LAMA2: variants seen among roughly 807,000 people sequenced by gnomAD.
LAMA2 encodes the protein laminin subunit alpha 2.
In LAMA2, 269 loss-of-function variants were observed where a neutral mutation model predicts 364.8. That is an observed-to-expected ratio of 0.74 (90% CI 0.67 to 0.82). LAMA2 has a LOEUF of 0.82. LAMA2 is among the 40% of genes least tolerant of loss of function. The pLI is 0.00. For synonymous variants in LAMA2, 1,379 were observed against 1,370.6 expected, an observed-to-expected ratio of 1.01 and a Z score of -0.14; for missense variants, 3,807 against 3,873.2, an observed-to-expected ratio of 0.98 and a Z score of 0.45.
chr6:128,995,776 G>T (rs1447244646), intron 1 of LAMA2, among the ~76,000 whole-genome samples: 3 of 152,130 alleles, frequency 2.0e-5, no homozygotes, highest in African/African-American at 7.2e-5. Flanking sequence ...AGATTAGAAT[G>T]TATTTGGCCT....
intron 1 of LAMA2, among the ~76,000 whole-genome samples, chr6:129,009,088 G>T (rs974788096): frequency 6.6e-6 from 1 of 152,120 alleles, no homozygotes; most frequent in African/African-American, 2.4e-5. Context: ...TTGAGATAGG[G>T]ATCATGCCAT....
At position 129,514,526 on chromosome 6, in the gene LAMA2, G is replaced by C; in HGVS notation, c.9142G>C (p.Ala3048Pro). The C allele has an allele frequency of 6.2e-7, 1 of 1,614,122 alleles. No homozygotes were observed. The highest frequency in any genetic ancestry group is 1.1e-5 in the South Asian group (1 of 91,084). The stretch of plus-strand genomic sequence containing the variant: ...CACAGTCGATGGGAACCAGGTGGAA[G>C]CCCAAAGCCCAAACCCAGCATCTAC... ...ELTVDGNQVE[A>P]QSPNPASTSA... is the part of the protein sequence containing the mutation. The change falls in exon 64 of 65, where the codon GCC becomes CCC. Residue 3048 changes from alanine (A) to proline (P), a missense_variant. Ala to Pro is a conservative substitution (Grantham distance 27). Around this residue, in one of 3 missense-constraint regions of LAMA2, gnomAD observed 3,333 missense variants for 3,345.7 expected, o/e 1.00. Transcript: ENST00000421865.
At chr6:129,262,123 T>C (rs932245396) in intron 15 of LAMA2, among the ~76,000 whole-genome samples, 6 of 152,154 alleles carry the variant, frequency 3.9e-5, no homozygotes, top group African/African-American at 1.4e-4. Context: ...AATATAAAAT[T>C]ACTTGAATAT....
At chr6:129,274,969 T>C (rs748832853) in intron 17 of LAMA2, among the ~76,000 whole-genome samples, 20 of 152,006 alleles carry the variant, frequency 1.3e-4, no homozygotes, top group Non-Finnish European at 2.8e-4. Context: ...AAATATATTA[T>C]TGGCACAAGG....
Position 129,297,724 on chromosome 6 carries a change from C to T in LAMA2, c.2896C>T (p.Pro966Ser). 6.2e-7 allele frequency: 1 copy of T among 1,614,080 alleles called. No individual in the cohort carries two copies. The highest frequency in any genetic ancestry group is 8.5e-7 in the Non-Finnish European group (1 of 1,179,974). Reference sequence around the variant, plus strand: ...CCTACAATCAGCAAGGGGCTGTGTTCCCTGCAACTGCAATTCTTTTGGGTC... The same window carrying T: ...CCTACAATCAGCAAGGGGCTGTGTTTCCTGCAACTGCAATTCTTTTGGGTC... ...FGLQSARGCV[P>S]CNCNSFGSKS... Residue 966 changes from proline to serine, a missense_variant, in exon 21 of 65, where the codon CCC (proline) becomes TCC (serine). Pro to Ser is a moderately conservative substitution (Grantham distance 74). Around this residue, in one of 3 missense-constraint regions of LAMA2, gnomAD observed 3,333 missense variants for 3,345.7 expected, o/e 1.00. Transcript: ENST00000421865.
At chr6:129,218,038 C>T (rs1192371747) in intron 12 of LAMA2, among the ~76,000 whole-genome samples, 1 of 152,014 alleles carries the variant, frequency 6.6e-6, no homozygotes, top group African/African-American at 2.4e-5. Context: ...CATCTTTTAA[C>T]ATAAGTGCAG....
Position 129,492,447 on chromosome 6 carries a change from C to T in LAMA2, c.8208C>T (p.Thr2736=). ...TTATCCAGCCTGAGCCAGTTCCCAC[C>T]CCAGCCTTTCCTACGCCCACCCCAG... ...EIVIQPEPVP[T]PAFPTPTPVL... is the part of the protein sequence containing the mutation. Residue 2736 remains threonine, a synonymous_variant, in exon 58 of 65, where the codon ACC becomes ACT. Coordinates refer to ENST00000421865, the MANE Select transcript of LAMA2 (RefSeq NM_000426.4). 6.2e-7 allele frequency: 1 copy of T among 1,614,052 alleles called. No homozygotes were observed. The highest frequency in any genetic ancestry group is 2.2e-5 in the East Asian group (1 of 44,868).
chr6:129,508,845 A>T (rs1244216032), intron 62 of LAMA2, among the ~76,000 whole-genome samples: 1 of 151,960 alleles, frequency 6.6e-6, no homozygotes, highest in African/African-American at 2.4e-5. Flanking sequence ...ATATCTCTTC[A>T]ATATTCTTTT....
chr6:129,104,239 C>G (rs996610494), intron 4 of LAMA2, among the ~76,000 whole-genome samples: 4 of 152,164 alleles, frequency 2.6e-5, no homozygotes, highest in African/African-American at 7.2e-5. Flanking sequence ...CTCAAGTGAT[C>G]TTTCCACCTT....
intron 32 of LAMA2, among the ~76,000 whole-genome samples, chr6:129,355,944 A>G (rs1266589213): frequency 6.6e-6 from 1 of 152,146 alleles, no homozygotes; most frequent in African/African-American, 2.4e-5. Context: ...GGTGAAAGGA[A>G]TCTATACACT....
At chr6:129,156,234 C>T (rs1179417526) in intron 8 of LAMA2, among the ~76,000 whole-genome samples, 1 of 150,986 alleles carries the variant, frequency 6.6e-6, no homozygotes, top group Non-Finnish European at 1.5e-5. Flanking sequence ...ACAATTTTGT[C>T]AAAAAGGAAA....
chr6:129,400,048 T>C (rs1272082746), intron 37 of LAMA2, among the ~76,000 whole-genome samples: 1 of 152,200 alleles, frequency 6.6e-6, no homozygotes, highest in Non-Finnish European at 1.5e-5. Flanking sequence ...TTCTTATGGT[T>C]CTGGAGGCTG....
At chr6:129,394,583 A>T (rs1779502705) in intron 37 of LAMA2, among the ~76,000 whole-genome samples, 1 of 152,186 alleles carries the variant, frequency 6.6e-6, no homozygotes, top group South Asian at 2.1e-4. Context: ...TACTGCTGTG[A>T]GGCAGGATGC....
chr6:129,398,206 C>A (rs1779766792), intron 37 of LAMA2, among the ~76,000 whole-genome samples: 1 of 152,122 alleles, frequency 6.6e-6, no homozygotes, highest in Non-Finnish European at 1.5e-5. Context: ...ACATGCTATA[C>A]TTTAAGTCAG....
chr6:129,215,995 C>T (rs2115082564), intron 12 of LAMA2, among the ~76,000 whole-genome samples: 1 of 152,216 alleles, frequency 6.6e-6, no homozygotes, highest in Admixed American at 6.5e-5. Context: ...TTTCTGTGTA[C>T]TGATCCAGTA....
chr6:128,936,578 A>G (rs60220578), intron 1 of LAMA2, among the ~76,000 whole-genome samples: 1,589 of 152,274 alleles, frequency 0.01, 22 homozygotes, highest in African/African-American at 0.036. Context: ...TTCTATGTAT[A>G]TACCTATGAA....
intron 34 of LAMA2, among the ~76,000 whole-genome samples, chr6:129,371,507 A>G (rs1273789608): frequency 6.6e-6 from 1 of 151,950 alleles, no homozygotes; most frequent in East Asian, 1.9e-4. Flanking sequence ...TCTAGGAATT[A>G]TGACACTGGG....
At chr6:129,224,345 C>T (rs1204423305) in intron 12 of LAMA2, among the ~76,000 whole-genome samples, 2 of 152,150 alleles carry the variant, frequency 1.3e-5, no homozygotes, top group Non-Finnish European at 2.9e-5. Flanking sequence ...ATTACTTTCT[C>T]CTGCCTGATT....
At chr6:128,939,899 T>G (rs1349473281) in intron 1 of LAMA2, among the ~76,000 whole-genome samples, 1 of 152,108 alleles carries the variant, frequency 6.6e-6, no homozygotes, top group Admixed American at 6.6e-5. Context: ...CTAGAAAAAC[T>G]TTCTTTCTTC....
Sources: gnomAD v4.1 joint callset for allele counts (sites outside exome capture counted in the v4.1 genomes callset) on GRCh38, gnomAD v4.1.1 for gene constraint, gnomAD v4.1.1 regional missense constraint, MANE v1.5 for transcripts, NCBI Gene and HGNC (gene_info 2026-07-23, HGNC 2026-07-21) for gene names.